The following MYO1C variants were observed in gnomAD, a reference collection of about 807,000 sequenced individuals.
The protein encoded by MYO1C is myosin IC, also known as unconventional myosin-Ic.
A neutral mutation model predicts 150.8 loss-of-function variants in MYO1C; 104 were observed. The ratio of observed to expected loss-of-function variants is 0.69; its 90% CI spans 0.59 to 0.81. MYO1C has a LOEUF of 0.81. Among genes scored for constraint, MYO1C ranks in the 30% least tolerant of loss-of-function variants. The pLI is 0.00. For synonymous variants in MYO1C, 663 were observed against 579.9 expected, an observed-to-expected ratio of 1.14 and a Z score of -2.06; for missense variants, 1,504 against 1,435.0, an observed-to-expected ratio of 1.05 and a Z score of -0.78.
At position 1,480,643 on chromosome 17, in the gene MYO1C, C is replaced by G. The variant is rs371856710; in HGVS notation, c.808-18G>C. 3.1e-6 allele frequency: 5 copies of G among 1,613,838 alleles called. No individual in the cohort carries two copies. In the African/African-American group the frequency reaches 5.3e-5, roughly 17 times the overall value. On this transcript the variant is annotated intron_variant, in intron 6 of 31. Coordinates refer to ENST00000648651, the MANE Select transcript of MYO1C (RefSeq NM_001080779.2). ...CACTGGCCCTGGAGGAAGGGCACAGCTGGGTTGCCAGCCCTGGCACCAGAT... is the reference window on the plus strand; with the variant it reads ...CACTGGCCCTGGAGGAAGGGCACAGGTGGGTTGCCAGCCCTGGCACCAGAT...
At chr17:1,468,907 C>T (rs915799611) in intron 25 of MYO1C, 5 of 334,670 alleles carry the variant, frequency 1.5e-5, no homozygotes, top group African/African-American at 4.3e-5. Context: ...TGCCTGTAAT[C>T]AGGGCAGATA....
intron 25 of MYO1C, 65 bp downstream of exon 25, chr17:1,469,466 T>C (rs2074253367): frequency 8.5e-7 from 1 of 1,176,208 alleles, no homozygotes; most frequent in Non-Finnish European, 1.2e-6. Flanking sequence ...GCGGACACCC[T>C]TTGAGCAATG....
At chr17:1,491,568 G>A in intron 1 of MYO1C, 1 of 952,838 alleles carries the variant, frequency 1.0e-6, no homozygotes, top group Non-Finnish European at 1.2e-6. Flanking sequence ...CCCGCCCCCC[G>A]CGGCCGCCGT....
At chr17:1,488,019 G>A (rs926742892) in intron 1 of MYO1C, among the ~76,000 whole-genome samples, 4 of 152,154 alleles carry the variant, frequency 2.6e-5, no homozygotes, top group African/African-American at 9.6e-5. Context: ...CGGGGTAGAG[G>A]GTCAAGAGAG....
At position 1,471,966 on chromosome 17, in the gene MYO1C, G is replaced by A. The variant is rs780167120; in HGVS notation, c.1962C>T (p.Asn654=). The A allele has an allele frequency of 1.5e-5, 24 of 1,614,006 alleles. No homozygotes were observed. The highest frequency in any genetic ancestry group is 1.1e-4 in the African/African-American group (8 of 74,948). The change falls in exon 19 of 32, where the codon AAC becomes AAT. Residue 654 remains asparagine (N), a synonymous_variant. Transcript: ENST00000648651. ...CAAAGCCGGCTCTGCGCACGCGCAG[G>A]TTTTCCAACAGCCCCAGGTACTTCA... ...HQVKYLGLLE[N]LRVRRAGFAY... is the part of the protein sequence containing the mutation.
chr17:1,484,233 T>A lies in MYO1C; in HGVS notation c.146A>T (p.Gln49Leu), dbSNP rs1294207027. Residue 49 changes from glutamine to leucine, a missense_variant, in exon 2 of 32, where the codon CAG (glutamine) becomes CTG (leucine). Gln to Leu is a moderately radical substitution (Grantham distance 113, BLOSUM62 -2). Transcript: ENST00000648651. ...GAAGTTCTCCAGCAGCACGAAATCC[T>A]GCACCCCCACCCGGTCACGGGCGGT... is the stretch of plus-strand genomic sequence containing the variant. ...ALTARDRVGV[Q>L]DFVLLENFTS... 1 of 1,612,790 alleles carries A rather than the reference T, an allele frequency of 6.2e-7. No homozygotes were observed. Among genetic ancestry groups the A allele is most frequent in the East Asian group, 2.2e-5 (1 of 44,896 alleles).
chr17:1,492,129 C>T (rs2074742303), intron 1 of MYO1C: 3 of 476,234 alleles, frequency 6.3e-6, no homozygotes, highest in East Asian at 4.1e-5. Context: ...TCACAGCAGC[C>T]GGCACTTGCC....
chr17:1,484,876 A>AC, intron 1 of MYO1C: 20 of 135,996 alleles, frequency 1.5e-4, no homozygotes, highest in South Asian at 3.1e-4. Context: ...CGTCTCTCCC[A>AC]CCCAGACCCA....
At chr17:1,470,880 TGGGGCTGGAGCTGGTGGGGA>T in intron 21 of MYO1C, 171 bp downstream of exon 21, 1 of 825,698 alleles carries the variant, frequency 1.2e-6, no homozygotes, top group Non-Finnish European at 1.9e-6. Context: ...ATGGTGGGCG[TGGGGCTGGAGCTGGTGGGGA>T]GGGGCTCCAA....
At chr17:1,482,768 GCCTTCTCTCCCT>G in intron 4 of MYO1C, 81 bp downstream of exon 4, 1 of 318,326 alleles carries the variant, frequency 3.1e-6, no homozygotes, top group Non-Finnish European at 5.8e-6. Context: ...TCCCACACTA[GCCTTCTCTCCCT>G]GCCCTCCCCT....
Position 1,472,040 on chromosome 17 carries a change from C to A in MYO1C, c.1904-16G>T, listed in dbSNP as rs781737062. On this transcript the variant is annotated splice_polypyrimidine_tract_variant and intron_variant, in intron 18 of 31. Transcript: ENST00000648651. The stretch of plus-strand genomic sequence containing the variant: ...TCAAAGCGGCCTGGGGTAGGGGGAG[C>A]GCCGTGGTCAGCGGGCTGGCGCTGA... 1 of 1,613,500 alleles carries A rather than the reference C, an allele frequency of 6.2e-7. No individual in the cohort carries two copies. Among genetic ancestry groups the A allele is most frequent in the Admixed American group, 1.7e-5 (1 of 59,998 alleles).
chr17:1,484,432 A>G (rs2074608192), intron 1 of MYO1C, 129 bp from the exon 2 acceptor site: 1 of 1,179,278 alleles, frequency 8.5e-7, no homozygotes. Flanking sequence ...GGACATGAGC[A>G]TGACGGGTGC....
At chr17:1,467,163 C>T (rs1170553969) in intron 31 of MYO1C, 79 bp downstream of exon 31, 5 of 1,356,930 alleles carry the variant, frequency 3.7e-6, no homozygotes, top group Admixed American at 2.0e-5. Flanking sequence ...TGGTGAGGTG[C>T]CTGGGCTCTG....
At chr17:1,481,695 T>C (rs1178295135) in intron 5 of MYO1C, among the ~76,000 whole-genome samples, 1 of 151,544 alleles carries the variant, frequency 6.6e-6, no homozygotes, top group Non-Finnish European at 1.5e-5. Context: ...GAGGCAGGGT[T>C]TCACCATGTT....
intron 1 of MYO1C, among the ~76,000 whole-genome samples, chr17:1,490,676 C>T (rs1249207605): frequency 6.6e-6 from 1 of 152,106 alleles, no homozygotes; most frequent in African/African-American, 2.4e-5. Context: ...TTTAGGACAC[C>T]CTCCATATGC....
rs2074154086 is a variant in MYO1C, at chr17:1,465,642, G to C, written c.*84C>G. 7.8e-7 allele frequency: 1 copy of C among 1,279,958 alleles called. No individual in the cohort carries two copies. Among genetic ancestry groups the C allele is most frequent in the Middle Eastern group, 2.1e-4 (1 of 4,858 alleles). 79.3% of individuals were successfully genotyped at this position (1,279,958 alleles called of 1,614,324 possible). A position where few individuals can be genotyped will look rare whatever the true frequency, so the allele number is the denominator to read the frequency against. The stretch of plus-strand genomic sequence containing the variant: ...CGGGGTGTCCCTGGGTCCCTGTCTG[G>C]AAGTTCGAGTCTTTGGTAACTGGGA... On this transcript the variant is annotated 3_prime_UTR_variant, in exon 32 of 32. Coordinates refer to ENST00000648651, the MANE Select transcript of MYO1C (RefSeq NM_001080779.2).
At position 1,467,473 on chromosome 17, in the gene MYO1C, G is replaced by C. The variant is rs754761268; in HGVS notation, c.3065+7C>G. Reference sequence around the variant, plus strand: ...CGCCCTGTCCCCGGGGGCCGCCCGCGCCTCACCTGCCCTGGTTGATGTTGA... The same window carrying C: ...CGCCCTGTCCCCGGGGGCCGCCCGCCCCTCACCTGCCCTGGTTGATGTTGA... On this transcript the variant is annotated splice_region_variant and intron_variant, in intron 30 of 31. Coordinates refer to ENST00000648651, the MANE Select transcript of MYO1C (RefSeq NM_001080779.2). 4 of 1,610,854 alleles carry C rather than the reference G, an allele frequency of 2.5e-6. No homozygotes were observed. Among genetic ancestry groups the C allele is most frequent in the Admixed American group, 1.7e-5 (1 of 59,738 alleles).
intron 1 of MYO1C, chr17:1,485,723 G>A (rs1598347976): frequency 1.7e-6 from 2 of 1,165,532 alleles, no homozygotes; most frequent in Non-Finnish European, 2.1e-6. Flanking sequence ...CTGCCCGGCC[G>A]GCCTGGCGCC....
At chr17:1,472,616 G>A (rs1042139322) in intron 17 of MYO1C, among the ~76,000 whole-genome samples, 2 of 152,226 alleles carry the variant, frequency 1.3e-5, no homozygotes, top group African/African-American at 4.8e-5. Flanking sequence ...GACCTGGAAG[G>A]ATCTCAGGCC....
Sources: gnomAD v4.1 joint callset for allele counts (sites outside exome capture counted in the v4.1 genomes callset) on GRCh38, gnomAD v4.1.1 for gene constraint, MANE v1.5 for transcripts, NCBI Gene and HGNC (gene_info 2026-07-23, HGNC 2026-07-21) for gene names.